The following CRELD1 variants were observed in gnomAD, a reference collection of about 807,000 sequenced individuals.
CRELD1 encodes protein disulfide isomerase CRELD1.
CRELD1 carries 42 observed loss-of-function variants against 58.2 expected under a neutral mutation model. The ratio of observed to expected loss-of-function variants is 0.72; its 90% CI spans 0.56 to 0.93. CRELD1 has a LOEUF of 0.93. Among genes scored for constraint, CRELD1 ranks in the 40% least tolerant of loss-of-function variants. The pLI is 0.00. For missense variants in CRELD1, 500 were observed against 540.6 expected, an observed-to-expected ratio of 0.92 and a Z score of 0.74; for synonymous variants, 222 against 202.0, an observed-to-expected ratio of 1.10 and a Z score of -0.84.
intron 2 of CRELD1, 24 bp downstream of exon 2, chr3:9,934,636 A>C: frequency 6.2e-7 from 1 of 1,610,848 alleles, no homozygotes; most frequent in East Asian, 2.2e-5. Flanking sequence ...CAGCCTCGTT[A>C]GAGGGGAACA....
chr3:9,942,995 AC>A (rs2085409721), intron 8 of CRELD1, 81 bp from the exon 9 acceptor site: 4 of 1,540,924 alleles, frequency 2.6e-6, no homozygotes, highest in East Asian at 2.2e-5. Flanking sequence ...GCTTCAGAGC[AC>A]CCCCAGGCCT....
chr3:9,940,722 AAGGGGG>A (rs1172555425), intron 5 of CRELD1, 122 bp from the exon 6 acceptor site: 2 of 453,368 alleles, frequency 4.4e-6, no homozygotes, highest in South Asian at 1.8e-5. Flanking sequence ...GGGAGAGGGA[AAGGGGG>A]AGGGGGAGGG....
rs948841741 is a variant in CRELD1 at position 9,944,714 on chromosome 3, A to G, written c.*135A>G. Reference sequence around the variant, plus strand: ...AGCACCCCTACCTGCCTTACAGAGCAGCCCAGGTACCCAGGCCCGGGCAGA... The same window carrying G: ...AGCACCCCTACCTGCCTTACAGAGCGGCCCAGGTACCCAGGCCCGGGCAGA... On this transcript the variant is annotated 3_prime_UTR_variant, in exon 11 of 11. Coordinates refer to ENST00000452070, the MANE Select transcript of CRELD1 (RefSeq NM_001077415.3). 2.3e-6 allele frequency: 2 copies of G among 872,266 alleles called. No individual in the cohort carries two copies. Among genetic ancestry groups the G allele is most frequent in the African/African-American group, 1.7e-5 (1 of 60,400 alleles). 54.0% of individuals were successfully genotyped at this position (872,266 alleles called of 1,614,324 possible).
Position 9,937,995 on chromosome 3 carries a change from C to T in CRELD1, c.369-20C>T, listed in dbSNP as rs900329710. The T allele has an allele frequency of 3.1e-6, 5 of 1,588,246 alleles. No homozygotes were observed. Among genetic ancestry groups the T allele is most frequent in the Non-Finnish European group, 4.3e-6 (5 of 1,157,414 alleles). On this transcript the variant is annotated intron_variant, in intron 4 of 10. Coordinates refer to ENST00000452070, the MANE Select transcript of CRELD1 (RefSeq NM_001077415.3). ...CTCAGCACCTCCTCCCCACCTCCCT[C>T]CACCCTGCCCCTGCCTCAGGCAGCA...
chr3:9,941,403 A>G (rs2085362351), intron 7 of CRELD1, among the ~76,000 whole-genome samples, 197 bp downstream of exon 7: 1 of 151,934 alleles, frequency 6.6e-6, no homozygotes, highest in African/African-American at 2.4e-5. Flanking sequence ...CCCTGTGTAC[A>G]GTGAGAGATG....
At position 9,938,006 on chromosome 3, in the gene CRELD1, C is replaced by T; in HGVS notation, c.369-9C>T. Reference sequence around the variant, plus strand: ...CTCCCCACCTCCCTCCACCCTGCCCCTGCCTCAGGCAGCAGGAGGCCCCGG... The same window carrying T: ...CTCCCCACCTCCCTCCACCCTGCCCTTGCCTCAGGCAGCAGGAGGCCCCGG... On this transcript the variant is annotated splice_polypyrimidine_tract_variant and intron_variant, in intron 4 of 10. Transcript: ENST00000452070. The T allele has an allele frequency of 6.2e-7, 1 of 1,609,518 alleles. No individual in the cohort carries two copies. Among genetic ancestry groups the T allele is most frequent in the Non-Finnish European group, 8.5e-7 (1 of 1,176,422 alleles).
intron 1 of CRELD1, 164 bp downstream of exon 1, chr3:9,934,084 C>G (rs1457280347): frequency 2.7e-6 from 1 of 369,660 alleles, no homozygotes; most frequent in Admixed American, 4.4e-5. Flanking sequence ...TCCTTCAGTA[C>G]TTGGAATCTG....
At chr3:9,934,702 T>C in intron 2 of CRELD1, 90 bp downstream of exon 2, 1 of 1,537,846 alleles carries the variant, frequency 6.5e-7, no homozygotes, top group Non-Finnish European at 8.9e-7. Flanking sequence ...TTAAGTTTCA[T>C]CTTGGTCTCT....
At chr3:9,944,248 C>A in intron 10 of CRELD1, 117 bp from the exon 11 acceptor site, 2 of 954,068 alleles carry the variant, frequency 2.1e-6, no homozygotes, top group Non-Finnish European at 3.4e-6. Context: ...GTGTGCCTGG[C>A]TTGCTGGGCA....
chr3:9,939,986 A>AC (rs1462162115), intron 5 of CRELD1, among the ~76,000 whole-genome samples: 70 of 150,144 alleles, frequency 4.7e-4, no homozygotes, highest in Non-Finnish European at 7.7e-4. Context: ...TCCCTCCCGG[A>AC]CGGGCTGGCT....
At chr3:9,942,360 A>G (rs1266777023) in intron 7 of CRELD1, among the ~76,000 whole-genome samples, 1 of 151,394 alleles carries the variant, frequency 6.6e-6, no homozygotes, top group Non-Finnish European at 1.5e-5. Flanking sequence ...CTGGCAGGGG[A>G]GCTCTGCTAG....
At chr3:9,937,844 C>T (rs2124831736) in intron 4 of CRELD1, among the ~76,000 whole-genome samples, 171 bp from the exon 5 acceptor site, 1 of 152,276 alleles carries the variant, frequency 6.6e-6, no homozygotes, top group African/African-American at 2.4e-5. Flanking sequence ...CACTTTGAGC[C>T]TCAGTTTACC....
intron 5 of CRELD1, among the ~76,000 whole-genome samples, chr3:9,939,326 GT>G (rs532135362): frequency 1.3e-5 from 2 of 151,768 alleles, no homozygotes; most frequent in African/African-American, 4.8e-5. Context: ...ATATTATCTT[GT>G]TTTTTTTGTT....
intron 5 of CRELD1, 47 bp from the exon 6 acceptor site, chr3:9,940,803 A>G (rs1337290653): frequency 1.3e-6 from 2 of 1,562,572 alleles, no homozygotes; most frequent in African/African-American, 1.4e-5. Context: ...TATCTTGTAT[A>G]TCAAGGTTGT....
At chr3:9,938,441 G>A (rs748464820) in intron 5 of CRELD1, 3 of 335,488 alleles carry the variant, frequency 8.9e-6, no homozygotes, top group Non-Finnish European at 1.7e-5. Context: ...CTCCATGATC[G>A]CCATCCATCC....
At chr3:9,938,616 T>C (rs894390410) in intron 5 of CRELD1, 3 of 158,262 alleles carry the variant, frequency 1.9e-5, no homozygotes, top group African/African-American at 7.2e-5. Flanking sequence ...TCCCAACACT[T>C]TGGGAGGCTG....
intron 1 of CRELD1, chr3:9,934,212 G>A: frequency 1.7e-6 from 1 of 580,528 alleles, no homozygotes; most frequent in Non-Finnish European, 3.1e-6. Context: ...TCCACCCCAT[G>A]CTAGCGAGGA....
intron 9 of CRELD1, 100 bp downstream of exon 9, chr3:9,943,272 G>T: frequency 6.3e-7 from 1 of 1,599,014 alleles, no homozygotes; most frequent in Non-Finnish European, 8.6e-7. Flanking sequence ...AGGAAGGGTG[G>T]AATGTTGCCT....
At position 9,945,391 on chromosome 3, in the gene CRELD1, T is replaced by C. The variant is rs2085491691; in HGVS notation, c.*812T>C. 6.6e-6 allele frequency: 1 copy of C among 152,498 alleles called. No individual in the cohort carries two copies. The highest frequency in any genetic ancestry group is 2.1e-4 in the South Asian group (1 of 4,834). 9.4% of individuals were successfully genotyped at this position (152,498 alleles called of 1,614,324 possible). ...TTCAATAAAAGTGTGGTCGCCATTA[T>C]GACCAGAGCCTCCAAGCCTCAAGCA... On this transcript the variant is annotated 3_prime_UTR_variant, in exon 11 of 11. Transcript: ENST00000452070.
Sources: allele counts gnomAD v4.1 joint callset (sites outside exome capture counted in the v4.1 genomes callset), GRCh38; gene constraint gnomAD v4.1.1; transcripts MANE v1.5; gene names NCBI Gene and HGNC (gene_info 2026-07-23, HGNC 2026-07-21).